Variants in MSRB2 observed in about 807,000 individuals in gnomAD.
MSRB2 encodes methionine sulfoxide reductase B2, also known as methionine-R-sulfoxide reductase B2, mitochondrial.
A neutral mutation model predicts 19.0 loss-of-function variants in MSRB2; 17 were observed. The ratio of observed to expected loss-of-function variants is 0.89; its 90% confidence interval spans 0.61 to 1.34. The LOEUF (loss-of-function observed/expected upper bound fraction) is 1.34. Ranked by LOEUF, MSRB2 falls within the 40% of genes most tolerant of loss-of-function variation. The pLI is 0.00. For synonymous variants in MSRB2, 107 were observed against 99.7 expected (o/e 1.07, Z -0.44); for missense variants, 208 against 237.6 (o/e 0.88, Z 0.82).
chr10:23,095,714 C>A lies in MSRB2; in HGVS notation c.106C>A (p.Leu36Met), dbSNP rs1186990841. 9 of 1,269,804 alleles carry A rather than the reference C, an allele frequency of 7.1e-6. No homozygotes were observed. Among genetic ancestry groups the A allele is most frequent in the Middle Eastern group, 3.1e-4 (1 of 3,266 alleles). 78.7% of individuals were successfully genotyped at this position (1,269,804 alleles called of 1,614,324 possible). The change falls in exon 1 of 5, where the codon CTG becomes ATG. Residue 36 changes from leucine (L) to methionine (M), a missense_variant. By Grantham distance (15) the Leu-to-Met change is conservative. Coordinates refer to ENST00000376510, the MANE Select transcript of MSRB2 (RefSeq NM_012228.4). ...CGGCGGGCCCGGCACCGGGCCGGGA[C>A]TGGGGGAGGCAGGTAGGACGCGGGT... ...GGGGPGTGPGLGEAGSLATCE... is the reference protein window; with the variant it reads ...GGGGPGTGPGMGEAGSLATCE...
At chr10:23,115,320 T>C (rs1051758181) in intron 3 of MSRB2, among the ~76,000 whole-genome samples, 9 of 152,324 alleles carry the variant, frequency 5.9e-5, no homozygotes, top group Admixed American at 1.3e-4. Flanking sequence ...AAATCTATTG[T>C]GGGATCACAT....
At chr10:23,112,657 C>T (rs368974826) in intron 3 of MSRB2, among the ~76,000 whole-genome samples, 2 of 152,178 alleles carry the variant, frequency 1.3e-5, no homozygotes, top group Admixed American at 1.3e-4. Flanking sequence ...GGCGCGATCT[C>T]GGCTCACTGC....
intron 1 of MSRB2, among the ~76,000 whole-genome samples, chr10:23,098,695 A>G (rs559659471): frequency 2.4e-4 from 36 of 152,302 alleles, no homozygotes; most frequent in African/African-American, 8.7e-4. Flanking sequence ...CTCATTCCCA[A>G]GTGAGAGACC....
At position 23,114,139 on chromosome 10, in the gene MSRB2, C is replaced by T. The variant is rs572967041; in HGVS notation, c.296+3821C>T. On this transcript the variant is annotated intron_variant, in intron 3 of 4. Transcript: ENST00000376510. ...CCAAGGCGGGTGGATCACTGCAGGT[C>T]AGGAGTTCGAGACCAGCCTGACCAG... 2.6e-5 allele frequency among the ~76,000 whole-genome samples: 4 copies of T among 152,262 alleles called. No individual in the cohort carries two copies. The South Asian group carries it at 8.3e-4, about 32-fold the overall frequency.
intron 4 of MSRB2, among the ~76,000 whole-genome samples, chr10:23,119,705 G>A (rs1462100120): frequency 6.6e-6 from 1 of 152,136 alleles, no homozygotes; most frequent in Non-Finnish European, 1.5e-5. Context: ...CTGAGTTCAA[G>A]TGCCTCAGCC....
At chr10:23,112,690 G>A (rs1169468073) in intron 3 of MSRB2, among the ~76,000 whole-genome samples, 1 of 152,204 alleles carries the variant, frequency 6.6e-6, no homozygotes, top group Non-Finnish European at 1.5e-5. Flanking sequence ...CCAGGTTGAA[G>A]CGATTCTCCT....
intron 3 of MSRB2, among the ~76,000 whole-genome samples, chr10:23,115,733 T>A (rs553823066): frequency 3.9e-5 from 6 of 152,232 alleles, no homozygotes; most frequent in Non-Finnish European, 7.3e-5. Context: ...TCTTAACTTA[T>A]ATATGTTAGG....
chr10:23,102,257 C>T (rs963115524), intron 1 of MSRB2, among the ~76,000 whole-genome samples: 1 of 152,170 alleles, frequency 6.6e-6, no homozygotes, highest in African/African-American at 2.4e-5. Flanking sequence ...CTAAATATTT[C>T]GGCATGTTTC....
At chr10:23,103,290 A>G (rs531989690) in intron 1 of MSRB2, among the ~76,000 whole-genome samples, 5 of 152,320 alleles carry the variant, frequency 3.3e-5, no homozygotes, top group African/African-American at 1.2e-4. Flanking sequence ...CGGGCATTCA[A>G]CGTTTCATCT....
intron 3 of MSRB2, among the ~76,000 whole-genome samples, chr10:23,117,135 G>A (rs557035734): frequency 6.6e-6 from 1 of 152,324 alleles, no homozygotes; most frequent in Admixed American, 6.5e-5. Context: ...AGACTAGGAT[G>A]CTGAGGCTTC....
Position 23,120,798 on chromosome 10 carries a change from G to A in MSRB2, c.485G>A (p.Gly162Glu), listed in dbSNP as rs1486761597. ...HLGHVFPDGP[G>E]PNGQRFCINS... ...GGTCACGTGTTTCCTGATGGACCTGGGCCCAATGGTCAGAGGTTTTGCATC... is the reference window on the plus strand; with the variant it reads ...GGTCACGTGTTTCCTGATGGACCTGAGCCCAATGGTCAGAGGTTTTGCATC... The change falls in exon 5 of 5, where the codon GGG becomes GAG. Residue 162 changes from glycine to glutamate, a missense_variant. Coordinates refer to ENST00000376510, the MANE Select transcript of MSRB2 (RefSeq NM_012228.4). 2.5e-6 allele frequency: 4 copies of A among 1,613,964 alleles called. No individual in the cohort carries two copies. The Admixed American group carries it at 6.7e-5, about 27-fold the overall frequency.
At position 23,120,829 on chromosome 10, in the gene MSRB2, T is replaced by C; in HGVS notation, c.516T>C (p.Ser172=). 6.2e-7 allele frequency: 1 copy of C among 1,614,148 alleles called. No homozygotes were observed. Among genetic ancestry groups the C allele is most frequent in the Non-Finnish European group, 8.5e-7 (1 of 1,180,036 alleles). Residue 172 remains serine (S), a synonymous_variant, in exon 5 of 5, where the codon AGT becomes AGC. Coordinates refer to ENST00000376510, the MANE Select transcript of MSRB2 (RefSeq NM_012228.4). The part of the protein sequence containing the change: ...GPNGQRFCIN[S]VALKFKPRKH ...ATGGTCAGAGGTTTTGCATCAACAG[T>C]GTGGCTTTGAAGTTCAAACCAAGGA...
chr10:23,098,338 G>C (rs1005093607), intron 1 of MSRB2, among the ~76,000 whole-genome samples: 2 of 152,152 alleles, frequency 1.3e-5, no homozygotes, highest in Admixed American at 6.5e-5. Flanking sequence ...ACCAAGAGTG[G>C]ATTTCCTTAG....
intron 2 of MSRB2, 129 bp downstream of exon 2, chr10:23,104,373 G>A: frequency 3.2e-6 from 2 of 623,240 alleles, no homozygotes; most frequent in East Asian, 3.2e-5. Context: ...CTTCCATTGT[G>A]CCCTTCTCGG....
At chr10:23,118,076 C>T (rs1840132742) in intron 3 of MSRB2, among the ~76,000 whole-genome samples, 1 of 152,144 alleles carries the variant, frequency 6.6e-6, no homozygotes, top group Non-Finnish European at 1.5e-5. Context: ...AATTAATGCA[C>T]ACATATTTTT....
intron 2 of MSRB2, among the ~76,000 whole-genome samples, chr10:23,104,665 G>A (rs1839964896): frequency 6.6e-6 from 1 of 152,116 alleles, no homozygotes; most frequent in Non-Finnish European, 1.5e-5. Context: ...CAAGGAAAAA[G>A]AAAAGTATGA....
intron 2 of MSRB2, among the ~76,000 whole-genome samples, chr10:23,105,981 G>A (rs1362478073): frequency 6.6e-6 from 1 of 152,216 alleles, no homozygotes; most frequent in Non-Finnish European, 1.5e-5. Flanking sequence ...TCTGTGAGCA[G>A]TTGTATGTAT....
chr10:23,100,665 T>A (rs1588967187), intron 1 of MSRB2, among the ~76,000 whole-genome samples: 1 of 152,136 alleles, frequency 6.6e-6, no homozygotes, highest in South Asian at 2.1e-4. Flanking sequence ...ACCAGATCTC[T>A]CGATAACTCA....
chr10:23,109,596 G>C (rs994856410), intron 2 of MSRB2, among the ~76,000 whole-genome samples: 1 of 151,904 alleles, frequency 6.6e-6, no homozygotes, highest in Non-Finnish European at 1.5e-5. Context: ...TATTGACTTG[G>C]CTAATTCATT....
Sources: allele counts gnomAD v4.1 joint callset (sites outside exome capture counted in the v4.1 genomes callset), GRCh38; gene constraint gnomAD v4.1.1; transcripts MANE v1.5; gene names NCBI Gene and HGNC (gene_info 2026-07-23, HGNC 2026-07-21).